Variants in MORN1 observed in about 807,000 individuals in gnomAD.
MORN1 encodes the protein MORN repeat-containing protein 1.
MORN1 carries 67 observed loss-of-function variants against 61.9 expected under a neutral mutation model. That is an observed-to-expected ratio of 1.08 (90% confidence interval 0.89 to 1.33). MORN1 has a LOEUF of 1.33. Ranked by LOEUF, MORN1 falls within the 40% of genes most tolerant of loss-of-function variation. The pLI is 0.00. For missense variants in MORN1, 752 were observed against 691.2 expected, an observed-to-expected ratio of 1.09 and a Z score of -0.99; for synonymous variants, 301 against 292.0, an observed-to-expected ratio of 1.03 and a Z score of -0.31.
At position 2,372,662 on chromosome 1, in the gene MORN1, C is replaced by T; in HGVS notation, c.635-71G>A. 8.2e-7 allele frequency: 1 copy of T among 1,224,224 alleles called. No individual in the cohort carries two copies. Among genetic ancestry groups the T allele is most frequent in the Non-Finnish European group, 1.2e-6 (1 of 857,684 alleles). 75.8% of individuals were successfully genotyped at this position (1,224,224 alleles called of 1,614,324 possible). On this transcript the variant is annotated intron_variant, in intron 7 of 13. Transcript: ENST00000378531. This position sits in a 1 kb window ranked among gnomAD's most constrained non-coding sequence, Gnocchi z 5.4. ...CCCACCCACCCCATGGCTGAGTCAG[C>T]AGTGGGCACCCCAGGAACCGACCAG...
intron 6 of MORN1, among the ~76,000 whole-genome samples, chr1:2,379,587 G>T (rs1195013128): frequency 6.6e-6 from 1 of 152,196 alleles, no homozygotes; most frequent in Non-Finnish European, 1.5e-5. Context: ...CCAGGACTGG[G>T]GGAGACTACA....
chr1:2,340,760 C>T (rs867786967), intron 10 of MORN1, among the ~76,000 whole-genome samples: 9 of 152,196 alleles, frequency 5.9e-5, no homozygotes, highest in Middle Eastern at 6.8e-3. Flanking sequence ...ACACAGGCCA[C>T]GGCGAGGGCC....
At chr1:2,366,609 C>G (rs1480503205) in intron 8 of MORN1, among the ~76,000 whole-genome samples, 1 of 152,094 alleles carries the variant, frequency 6.6e-6, no homozygotes, top group Non-Finnish European at 1.5e-5. Context: ...CTGCAACCTC[C>G]GCCTCCCAGG....
chr1:2,345,855 A>ACACACACACACAC, intron 10 of MORN1, among the ~76,000 whole-genome samples: 1 of 98,792 alleles, frequency 1.0e-5, no homozygotes, highest in South Asian at 3.2e-4. Flanking sequence ...ACACACACAC[A>ACACACACACACAC]GATGTTTGCT....
rs74049219 is a variant in MORN1, at chr1:2,382,871, C to T, written c.537+2107G>A. On this transcript the variant is annotated intron_variant, in intron 6 of 13. Transcript: ENST00000378531. The stretch of plus-strand genomic sequence containing the variant: ...TGCCCTGAGCAGGGCTGGCAGACCC[C>T]GGAGTGGGTATGGGTGGCACTTTTA... Among the ~76,000 whole-genome samples, 419 of 152,252 alleles carry T rather than the reference C, an allele frequency of 2.8e-3. 5 individuals are homozygous for T. Among genetic ancestry groups the T allele is most frequent in the African/African-American group, 9.5e-3 (395 of 41,538 alleles).
intron 10 of MORN1, among the ~76,000 whole-genome samples, chr1:2,349,664 C>A (rs1047768118): frequency 1.4e-4 from 21 of 152,150 alleles, no homozygotes; most frequent in African/African-American, 5.1e-4. Flanking sequence ...TGTTATCACC[C>A]CACGAGGCAA....
chr1:2,349,467 C>T (rs1476470322), intron 10 of MORN1, among the ~76,000 whole-genome samples: 2 of 152,212 alleles, frequency 1.3e-5, no homozygotes, highest in African/African-American at 4.8e-5. Context: ...GAGTTCATTT[C>T]CATTTTCATC....
chr1:2,387,433 TG>T lies in MORN1; in HGVS notation c.343del (p.His115ThrfsTer104), dbSNP rs1409517483. On this transcript the variant is annotated frameshift_variant, in exon 4 of 14. Coordinates refer to ENST00000378531, the MANE Select transcript of MORN1 (RefSeq NM_024848.3). LOFTEE classifies it high-confidence loss of function. ...GGGCGCCAGACCTTCCCGCATGCCG[TG>T]GGAGACCTCCCCTTCATAACATCCG... ...AGGCYEGEVS[H>X]GMREGHGFLV... 1.2e-6 allele frequency: 2 copies of T among 1,613,242 alleles called. No homozygotes were observed. Among genetic ancestry groups the T allele is most frequent in the South Asian group, 2.2e-5 (2 of 91,084 alleles).
At chr1:2,344,562 G>T (rs1270930098) in intron 10 of MORN1, among the ~76,000 whole-genome samples, 1 of 152,190 alleles carries the variant, frequency 6.6e-6, no homozygotes, top group Non-Finnish European at 1.5e-5. Context: ...CTGGAGGGGG[G>T]TCCCGTGTGG....
chr1:2,347,539 C>T (rs1285000681), intron 10 of MORN1, among the ~76,000 whole-genome samples: 2 of 152,172 alleles, frequency 1.3e-5, no homozygotes, highest in Non-Finnish European at 2.9e-5. Flanking sequence ...CACCCCATGA[C>T]CTCAGGGGTC....
chr1:2,388,211 T>C (rs1570056362), intron 3 of MORN1, 28 bp downstream of exon 3: 1 of 1,570,152 alleles, frequency 6.4e-7, no homozygotes, highest in Admixed American at 1.7e-5. Flanking sequence ...GAGAAAGGAG[T>C]GAATGTGCCA....
chr1:2,338,042 C>T (rs941678228), intron 10 of MORN1, among the ~76,000 whole-genome samples: 59 of 152,110 alleles, frequency 3.9e-4, no homozygotes, highest in African/African-American at 1.4e-3. Context: ...GCCCAGGAGG[C>T]GGGACCCTCA....
At chr1:2,351,655 G>GGAGC (rs1641649760) in intron 10 of MORN1, 1 of 359,282 alleles carries the variant, frequency 2.8e-6, no homozygotes, top group Non-Finnish European at 5.4e-6. Context: ...GAAGCGGAGG[G>GGAGC]GCCCGAAACC....
intron 10 of MORN1, chr1:2,352,154 TTAATAATAGC>T (rs1557877855): frequency 2.9e-6 from 1 of 349,152 alleles, no homozygotes. Context: ...TGGTTCTGCA[TTAATAATAGC>T]TAATAATAAA....
chr1:2,363,805 C>CAAAAAA (rs1553217338), intron 8 of MORN1, among the ~76,000 whole-genome samples: 134 of 124,862 alleles, frequency 1.1e-3, no homozygotes, highest in Non-Finnish European at 1.6e-3. Flanking sequence ...AACAAACAAA[C>CAAAAAA]AAAAAAATAT....
At chr1:2,369,662 T>C (rs1642073561) in intron 8 of MORN1, among the ~76,000 whole-genome samples, 2 of 152,004 alleles carry the variant, frequency 1.3e-5, no homozygotes. Flanking sequence ...GTTAAGAAAA[T>C]TCTACTCATG....
rs547010920 is a variant in MORN1 at position 2,358,730 on chromosome 1, G to A, written c.746-15C>T. The stretch of plus-strand genomic sequence containing the variant: ...GCCGCTCTCGCCTTCCAGGAGAGAG[G>A]AGCAGGCAGTGAACACTCACAGGCA... On this transcript the variant is annotated splice_polypyrimidine_tract_variant and intron_variant, in intron 8 of 13. Transcript: ENST00000378531. The A allele has an allele frequency of 2.3e-5, 37 of 1,602,112 alleles. No homozygotes were observed. Among genetic ancestry groups the A allele is most frequent in the East Asian group, 6.8e-5 (3 of 44,200 alleles).
At position 2,336,781 on chromosome 1, in the gene MORN1, T is replaced by A; in HGVS notation, c.1106A>T (p.Asp369Val). The A allele has an allele frequency of 6.2e-7, 1 of 1,605,880 alleles. No individual in the cohort carries two copies. The highest frequency in any genetic ancestry group is 8.5e-7 in the Non-Finnish European group (1 of 1,176,620). Residue 369 changes from aspartate (D) to valine (V), a missense_variant, in exon 11 of 14, where the codon GAT becomes GTT. Physicochemically the swap from Asp to Val is radical, Grantham distance 152 (BLOSUM62 -3). Coordinates refer to ENST00000378531, the MANE Select transcript of MORN1 (RefSeq NM_024848.3). ...AGGCGGGGGCGGCCCCAGGAGGACA[T>A]CTGTGAACTCGGCACAGCCCTGCTC... ...RVEQGCAEFT[D>V]VLLGPPPPGY...
At chr1:2,356,901 T>TG in intron 10 of MORN1, among the ~76,000 whole-genome samples, 1 of 152,256 alleles carries the variant, frequency 6.6e-6, no homozygotes, top group South Asian at 2.1e-4. Context: ...GCCCCAGCCT[T>TG]GGGGGGCAGA....
Sources: gnomAD v4.1 joint callset for allele counts (sites outside exome capture counted in the v4.1 genomes callset) on GRCh38, gnomAD v4.1.1 for gene constraint, Gnocchi (gnomAD v3.1) non-coding constraint, MANE v1.5 for transcripts, NCBI Gene and HGNC (gene_info 2026-07-23, HGNC 2026-07-21) for gene names.